The following TTC39C variants were observed in gnomAD, a reference collection of about 807,000 sequenced individuals.
TTC39C encodes tetratricopeptide repeat protein 39C.
Under a neutral mutation model 76.3 loss-of-function variants are expected in TTC39C, and 33 were observed. The observed-to-expected ratio is 0.43, with a 90% CI of 0.33 to 0.58. The LOEUF (loss-of-function observed/expected upper bound fraction) is 0.58. Among genes scored for constraint, TTC39C ranks in the 20% least tolerant of loss-of-function variants. The probability of loss-of-function intolerance (pLI) is 0.04; values close to 1 mark genes in which losing one functional copy is unlikely to be tolerated. For missense variants in TTC39C, 595 were observed against 701.4 expected (o/e 0.85, Z 1.71); for synonymous variants, 254 against 260.6 (o/e 0.97, Z 0.24).
chr18:24,055,152 A>G (rs2083999479), intron 1 of TTC39C, among the ~76,000 whole-genome samples: 1 of 152,168 alleles, frequency 6.6e-6, no homozygotes, highest in African/African-American at 2.4e-5. Context: ...GTCTATGGGC[A>G]CTTGAGTTGC....
At chr18:24,057,566 A>T (rs1358526316) in intron 1 of TTC39C, among the ~76,000 whole-genome samples, 2 of 152,148 alleles carry the variant, frequency 1.3e-5, no homozygotes, top group East Asian at 3.8e-4. Flanking sequence ...CATCTAGGAT[A>T]TACTCTTTTG....
chr18:24,024,137 C>T (rs928346036), intron 1 of TTC39C, among the ~76,000 whole-genome samples: 10 of 146,498 alleles, frequency 6.8e-5, no homozygotes, highest in Non-Finnish European at 1.2e-4. Context: ...CTCAGCCTCC[C>T]GAGTAGCTGG....
chr18:24,042,398 C>A (rs2083806048), intron 1 of TTC39C, among the ~76,000 whole-genome samples: 1 of 152,130 alleles, frequency 6.6e-6, no homozygotes, highest in African/African-American at 2.4e-5. Context: ...ACAACCTAGA[C>A]CCCCCACGTG....
At chr18:24,119,157 TAG>T in intron 8 of TTC39C, among the ~76,000 whole-genome samples, 1 of 152,292 alleles carries the variant, frequency 6.6e-6, no homozygotes, top group Non-Finnish European at 1.5e-5. Flanking sequence ...TATGAGGAGA[TAG>T]AGATGTGCTG....
chr18:24,095,647 C>T (rs1030926477), intron 6 of TTC39C, among the ~76,000 whole-genome samples: 2 of 152,034 alleles, frequency 1.3e-5, no homozygotes, highest in African/African-American at 2.4e-5. Flanking sequence ...TGCAGTGAGC[C>T]GAGATTGCAT....
chr18:24,059,067 C>G (rs1349910621), intron 1 of TTC39C, among the ~76,000 whole-genome samples: 1 of 152,078 alleles, frequency 6.6e-6, no homozygotes, highest in Non-Finnish European at 1.5e-5. Context: ...CTGTGGTTTG[C>G]TTTTTCCAAT....
chr18:24,025,497 T>C (rs1275508583), intron 1 of TTC39C, among the ~76,000 whole-genome samples: 1 of 152,216 alleles, frequency 6.6e-6, no homozygotes, highest in Admixed American at 6.5e-5. Context: ...TTAAGCAGTG[T>C]AAGGAATATT....
chr18:24,132,527 C>T lies in TTC39C; in HGVS notation c.1705C>T (p.Arg569Cys), dbSNP rs1424126643. The change falls in exon 14 of 14, where the codon CGC becomes TGC. Residue 569 changes from arginine (R) to cysteine (C), a missense_variant. By Grantham distance (180) the Arg-to-Cys change is radical. Coordinates refer to ENST00000317571, the MANE Select transcript of TTC39C (RefSeq NM_001135993.2). ...GYDFENRLHV[R>C]IHAALASLRE... ...CGACTTTGAAAACAGATTGCATGTCCGCATCCATGCTGCTCTGGCCTCTCT... is the reference window on the plus strand; with the variant it reads ...CGACTTTGAAAACAGATTGCATGTCTGCATCCATGCTGCTCTGGCCTCTCT... 6.8e-6 allele frequency: 11 copies of T among 1,613,906 alleles called. No homozygotes were observed. Among genetic ancestry groups the T allele is most frequent in the East Asian group, 4.5e-5 (2 of 44,886 alleles).
At chr18:24,124,578 C>G (rs2085022697) in intron 9 of TTC39C, among the ~76,000 whole-genome samples, 1 of 152,050 alleles carries the variant, frequency 6.6e-6, no homozygotes, top group Non-Finnish European at 1.5e-5. Flanking sequence ...ACAATGTTGC[C>G]GTATTACCTT....
intron 1 of TTC39C, among the ~76,000 whole-genome samples, chr18:24,045,920 TATATA>T (rs2083872215): frequency 3.3e-4 from 9 of 27,662 alleles, no homozygotes; most frequent in African/African-American, 1.4e-3. Context: ...TATATATATA[TATATA>T]TATTTTTTTT....
chr18:24,017,599 C>G (rs576221947), intron 1 of TTC39C, among the ~76,000 whole-genome samples: 44 of 152,280 alleles, frequency 2.9e-4, no homozygotes, highest in Middle Eastern at 3.4e-3. Context: ...GTTCATCTTA[C>G]GTATTACGTA....
chr18:24,070,759 C>G (rs911584083), intron 4 of TTC39C, among the ~76,000 whole-genome samples: 1 of 151,804 alleles, frequency 6.6e-6, no homozygotes, highest in Non-Finnish European at 1.5e-5. Context: ...AGGAGAATCG[C>G]TTGAACATGG....
chr18:24,082,960 T>C lies in TTC39C; in HGVS notation c.863T>C (p.Leu288Ser). Residue 288 changes from leucine (L) to serine (S), a missense_variant, in exon 6 of 14, where the codon TTG becomes TCG. Transcript: ENST00000317571. ...ACTGTAGTCCGCCCGTTTTTTGCCTTGGATGGCAGTGATAACAAGGCAGGC... is the reference window on the plus strand; with the variant it reads ...ACTGTAGTCCGCCCGTTTTTTGCCTCGGATGGCAGTGATAACAAGGCAGGC... ...YHTVVRPFFA[L>S]DGSDNKAGLD... 6.2e-7 allele frequency: 1 copy of C among 1,614,054 alleles called. No individual in the cohort carries two copies. The highest frequency in any genetic ancestry group is 8.5e-7 in the Non-Finnish European group (1 of 1,179,934).
intron 4 of TTC39C, among the ~76,000 whole-genome samples, chr18:24,078,720 T>C (rs1380483724): frequency 1.0e-5 from 1 of 96,950 alleles, no homozygotes; most frequent in African/African-American, 3.9e-5. Context: ...AGAGTTTTTA[T>C]TGGGGGCCGA....
intron 6 of TTC39C, among the ~76,000 whole-genome samples, chr18:24,097,336 G>A (rs1441882531): frequency 6.6e-6 from 1 of 152,182 alleles, no homozygotes; most frequent in African/African-American, 2.4e-5. Flanking sequence ...CCATTGCTTA[G>A]ATTGTGCTTT....
chr18:24,081,027 G>A (rs2084369627), intron 5 of TTC39C, 88 bp downstream of exon 5: 2 of 1,263,896 alleles, frequency 1.6e-6, no homozygotes, highest in Non-Finnish European at 2.2e-6. Context: ...GAAACTTCAG[G>A]TAAAATGTTT....
intron 3 of TTC39C, 45 bp from the exon 4 acceptor site, chr18:24,069,112 T>G: frequency 2.8e-6 from 4 of 1,411,682 alleles, no homozygotes; most frequent in Non-Finnish European, 4.0e-6. Context: ...GAACTGTCGT[T>G]GTTATGTGTG....
intron 1 of TTC39C, among the ~76,000 whole-genome samples, chr18:24,026,433 A>G (rs1487236240): frequency 6.6e-6 from 1 of 152,174 alleles, no homozygotes; most frequent in African/African-American, 2.4e-5. Flanking sequence ...AATGTGAGGA[A>G]ATAGGGTCAG....
At chr18:24,051,893 C>T (rs1482112700) in intron 1 of TTC39C, among the ~76,000 whole-genome samples, 1 of 152,158 alleles carries the variant, frequency 6.6e-6, no homozygotes, top group East Asian at 1.9e-4. Flanking sequence ...CAGGCATGTA[C>T]TGGGGACCTG....
Sources: gnomAD v4.1 joint callset for allele counts (sites outside exome capture counted in the v4.1 genomes callset) on GRCh38, gnomAD v4.1.1 for gene constraint, MANE v1.5 for transcripts, NCBI Gene and HGNC (gene_info 2026-07-23, HGNC 2026-07-21) for gene names.